CDH18: variants seen among roughly 807,000 people sequenced by gnomAD.
CDH18 encodes the protein cadherin 18.
CDH18 carries 31 observed loss-of-function variants against 67.9 expected under a neutral mutation model. The observed-to-expected ratio is 0.46, with a 90% CI of 0.34 to 0.62. The LOEUF is 0.62. CDH18 is among the 20% of genes least tolerant of loss of function. The pLI is 0.01. For missense variants in CDH18, 890 were observed against 975.5 expected, an observed-to-expected ratio of 0.91 and a Z score of 1.17; for synonymous variants, 362 against 347.2, an observed-to-expected ratio of 1.04 and a Z score of -0.48.
chr5:19,615,057 G>A (rs573062029), intron 5 of CDH18, among the ~76,000 whole-genome samples: 191 of 151,858 alleles, frequency 1.3e-3, no homozygotes, highest in African/African-American at 4.4e-3. Context: ...TGAGACAAGA[G>A]AATTGCTTGA....
chr5:20,049,505 C>T (rs1009066760), intron 2 of CDH18, among the ~76,000 whole-genome samples: 7 of 151,464 alleles, frequency 4.6e-5, no homozygotes, highest in Non-Finnish European at 1.0e-4. Flanking sequence ...GATATTAAAA[C>T]GTACATAAAA....
chr5:19,732,534 G>T (rs1767753214), intron 4 of CDH18, among the ~76,000 whole-genome samples: 1 of 152,094 alleles, frequency 6.6e-6, no homozygotes, highest in Non-Finnish European at 1.5e-5. Context: ...AAAATAAATT[G>T]TGACACAGCT....
intron 1 of CDH18, among the ~76,000 whole-genome samples, chr5:20,293,046 G>C (rs1747222676): frequency 6.6e-6 from 1 of 152,142 alleles, no homozygotes; most frequent in South Asian, 2.1e-4. Context: ...GCCAGGTGCG[G>C]TGGCTCACGC....
In CDH18 at chr5:19,993,852, A is replaced by T. The variant is rs569962496; in HGVS notation, c.-517-1838T>A. 3.3e-5 allele frequency among the ~76,000 whole-genome samples: 5 copies of T among 152,246 alleles called. No homozygotes were observed. In the East Asian group the frequency reaches 7.7e-4, roughly 24 times the overall value. On this transcript the variant is annotated intron_variant, in intron 2 of 14. Transcript: ENST00000507958. ...AATGTTATGGCCATTTTACTGATGAAGATATTCGGCTCATATATTTACGTA... is the reference window on the plus strand; with the variant it reads ...AATGTTATGGCCATTTTACTGATGATGATATTCGGCTCATATATTTACGTA...
intron 3 of CDH18, among the ~76,000 whole-genome samples, chr5:19,779,502 T>C (rs907563522): frequency 6.6e-6 from 1 of 152,186 alleles, no homozygotes; most frequent in African/African-American, 2.4e-5. Context: ...AAGGCAGATC[T>C]GCTATCCTCA....
At chr5:20,254,124 T>C (rs1401585672) in intron 2 of CDH18, among the ~76,000 whole-genome samples, 1 of 152,162 alleles carries the variant, frequency 6.6e-6, no homozygotes. Context: ...TTGTTTTTTG[T>C]TTTTCTGAGA....
intron 8 of CDH18, among the ~76,000 whole-genome samples, chr5:19,548,105 A>T (rs2127115533): frequency 6.6e-6 from 1 of 152,280 alleles, no homozygotes; most frequent in South Asian, 2.1e-4. Flanking sequence ...TTTTTATAAT[A>T]AAATCTGTTT....
chr5:20,113,632 A>G (rs1309010988), intron 2 of CDH18, among the ~76,000 whole-genome samples: 1 of 152,236 alleles, frequency 6.6e-6, no homozygotes, highest in African/African-American at 2.4e-5. Context: ...TAACAATGAC[A>G]GCCTCATAGG....
intron 1 of CDH18, among the ~76,000 whole-genome samples, chr5:20,386,288 G>C (rs558018822): frequency 2.6e-5 from 4 of 152,274 alleles, no homozygotes; most frequent in African/African-American, 4.8e-5. Context: ...TCCTACTAGA[G>C]AGTCTATTGC....
intron 2 of CDH18, among the ~76,000 whole-genome samples, chr5:19,954,965 T>TTGTA (rs1933577105): frequency 6.6e-6 from 1 of 152,036 alleles, no homozygotes. Flanking sequence ...TCACCATGAA[T>TTGTA]TGTAATAATC....
chr5:20,400,097 C>A (rs1745632759), intron 1 of CDH18, among the ~76,000 whole-genome samples: 2 of 152,058 alleles, frequency 1.3e-5, no homozygotes, highest in African/African-American at 4.8e-5. Flanking sequence ...TGGTGGTCAC[C>A]ATGTTTGATA....
intron 1 of CDH18, among the ~76,000 whole-genome samples, chr5:20,545,581 T>C (rs547400129): frequency 6.6e-6 from 1 of 152,300 alleles, no homozygotes; most frequent in South Asian, 2.1e-4. Context: ...AAGATATACG[T>C]TGGCACCCTT....
chr5:20,387,365 C>G (rs1044741796), intron 1 of CDH18, among the ~76,000 whole-genome samples: 4 of 151,998 alleles, frequency 2.6e-5, no homozygotes, highest in Non-Finnish European at 4.4e-5. Flanking sequence ...TTGGTTCTCT[C>G]TTTGTCTGTT....
chr5:20,516,368 CAAAT>C (rs1193300927), intron 1 of CDH18, among the ~76,000 whole-genome samples: 3 of 151,676 alleles, frequency 2.0e-5, no homozygotes, highest in African/African-American at 4.8e-5. Context: ...TTACAAAAAA[CAAAT>C]AAAATTCAAC....
intron 5 of CDH18, among the ~76,000 whole-genome samples, chr5:19,709,455 T>C (rs1279012122): frequency 6.6e-6 from 1 of 152,032 alleles, no homozygotes; most frequent in African/African-American, 2.4e-5. Context: ...TAATCCCAGC[T>C]ACTCAGGAGG....
intron 4 of CDH18, among the ~76,000 whole-genome samples, chr5:19,723,694 T>A (rs1766423001): frequency 6.6e-6 from 1 of 152,050 alleles, no homozygotes; most frequent in South Asian, 2.1e-4. Flanking sequence ...AATAGGGCAT[T>A]TTATTTTTTA....
At chr5:20,279,544 CA>C (rs547338742) in intron 1 of CDH18, among the ~76,000 whole-genome samples, 21 of 151,172 alleles carry the variant, frequency 1.4e-4, no homozygotes, top group Non-Finnish European at 5.9e-5. Flanking sequence ...ATTAAAACTA[CA>C]AAAATTAGCT....
chr5:20,279,699 C>CAAAAAAGAAAAAAAAAA (rs1746080204), intron 1 of CDH18, among the ~76,000 whole-genome samples: 1 of 13,594 alleles, frequency 7.4e-5, no homozygotes, highest in Non-Finnish European at 1.3e-4. Flanking sequence ...AGCTCTGTCT[C>CAAAAAAGAAAAAAAAAA]AAAAAAAAAA....
In CDH18 at chr5:19,471,598, GT is replaced by G. The variant is rs78722480; in HGVS notation, c.*1627del. Among the ~76,000 whole-genome samples the G allele has an allele frequency of 0.17, 25,869 of 151,788 alleles. 2,713 individuals are homozygous for G. Among genetic ancestry groups the G allele is most frequent in the South Asian group, 0.25 (1,219 of 4,816 alleles). On this transcript the variant is annotated 3_prime_UTR_variant, in exon 13 of 13. Coordinates refer to ENST00000382275, the MANE Select transcript of CDH18 (RefSeq NM_004934.5). ...TTTCTGAAATATATAGATGTGGCCA[GT>G]TTTAGAAAATAGGACCATTATGGTA...
Sources: gnomAD v4.1 joint callset for allele counts (sites outside exome capture counted in the v4.1 genomes callset) on GRCh38, gnomAD v4.1.1 for gene constraint, MANE v1.5 for transcripts, NCBI Gene and HGNC (gene_info 2026-07-23, HGNC 2026-07-21) for gene names.